The following CRPPA variants were observed in gnomAD, a reference collection of about 807,000 sequenced individuals.
CRPPA encodes D-ribitol-5-phosphate cytidylyltransferase.
CRPPA carries 43 observed loss-of-function variants against 52.0 expected under a neutral mutation model. That is an observed-to-expected ratio of 0.83 (90% CI 0.65 to 1.07). The LOEUF (loss-of-function observed/expected upper bound fraction) is 1.07. Among genes scored for constraint, CRPPA ranks in the 50% least tolerant of loss-of-function variants. The pLI is 0.00. For missense variants in CRPPA, 629 were observed against 551.7 expected (o/e 1.14, Z -1.40); for synonymous variants, 250 against 203.5 (o/e 1.23, Z -1.94).
At chr7:16,119,996 T>C (rs1302940064) in intron 9 of CRPPA, among the ~76,000 whole-genome samples, 1 of 152,176 alleles carries the variant, frequency 6.6e-6, no homozygotes, top group Non-Finnish European at 1.5e-5. Context: ...AGGAATCTAG[T>C]GGAAGTCAAG....
intron 3 of CRPPA, among the ~76,000 whole-genome samples, chr7:16,332,701 TA>T (rs1785582391): frequency 6.6e-6 from 1 of 151,866 alleles, no homozygotes; most frequent in Non-Finnish European, 1.5e-5. Flanking sequence ...TCAATTAAAT[TA>T]AAAAACAAGG....
At chr7:16,377,958 T>G (rs1050405143) in intron 2 of CRPPA, among the ~76,000 whole-genome samples, 3 of 152,104 alleles carry the variant, frequency 2.0e-5, no homozygotes, top group African/African-American at 7.2e-5. Flanking sequence ...TACGGCAGTT[T>G]TCATACCAGG....
chr7:16,396,773 G>A (rs1336274900), intron 2 of CRPPA, among the ~76,000 whole-genome samples: 3 of 152,260 alleles, frequency 2.0e-5, no homozygotes, highest in African/African-American at 7.2e-5. Flanking sequence ...TGACATACAT[G>A]TGAAGGAAGA....
At chr7:16,093,535 T>C (rs1781879584) in intron 9 of CRPPA, among the ~76,000 whole-genome samples, 1 of 152,174 alleles carries the variant, frequency 6.6e-6, no homozygotes, top group Non-Finnish European at 1.5e-5. Context: ...GGGGTGGAGC[T>C]GGAGAAGATC....
rs186497846 is a variant in CRPPA, at chr7:16,207,280, C to T, written c.1251+8786G>A. On this transcript the variant is annotated intron_variant, in intron 9 of 9. Transcript: ENST00000407010. ...CTTACCTTTGCTCTAAAATGATATA[C>T]AGCATCTATTAGGCAATACGCTGCA... 1.7e-3 allele frequency among the ~76,000 whole-genome samples: 266 copies of T among 152,306 alleles called. 5 individuals carry two copies. The highest frequency in any genetic ancestry group is 2.8e-4 in the Non-Finnish European group (19 of 68,020).
At chr7:16,148,619 G>A (rs539981838) in intron 9 of CRPPA, among the ~76,000 whole-genome samples, 124 of 152,142 alleles carry the variant, frequency 8.2e-4, no homozygotes, top group Non-Finnish European at 1.6e-3. Flanking sequence ...GTGGAATTTT[G>A]GTTATTAGAG....
chr7:16,119,976 T>C (rs986427674), intron 9 of CRPPA, among the ~76,000 whole-genome samples: 1 of 152,160 alleles, frequency 6.6e-6, no homozygotes, highest in Admixed American at 6.5e-5. Flanking sequence ...CTTAAGAATC[T>C]TCAGCATTTA....
chr7:16,400,646 C>A (rs377323368), intron 2 of CRPPA, among the ~76,000 whole-genome samples: 1 of 152,200 alleles, frequency 6.6e-6, no homozygotes, highest in East Asian at 1.9e-4. Context: ...ATTTTTGACA[C>A]GTGACTGACA....
At chr7:16,289,115 T>G (rs1400984772) in intron 5 of CRPPA, among the ~76,000 whole-genome samples, 1 of 152,082 alleles carries the variant, frequency 6.6e-6, no homozygotes, top group African/African-American at 2.4e-5. Context: ...AGGAAGTTGT[T>G]AAATTCCAGG....
At chr7:16,343,055 T>C (rs887856766) in intron 3 of CRPPA, among the ~76,000 whole-genome samples, 1 of 151,234 alleles carries the variant, frequency 6.6e-6, no homozygotes, top group Non-Finnish European at 1.5e-5. Flanking sequence ...AATAAATAAG[T>C]AAATGACACA....
intron 5 of CRPPA, among the ~76,000 whole-genome samples, chr7:16,280,777 T>G (rs529483011): frequency 2.8e-4 from 42 of 152,266 alleles, no homozygotes; most frequent in Middle Eastern, 3.4e-3. Context: ...TCCCAGCACT[T>G]TGGGAGGCCA....
intron 3 of CRPPA, among the ~76,000 whole-genome samples, chr7:16,333,012 G>A (rs540494723): frequency 6.6e-6 from 1 of 152,112 alleles, no homozygotes; most frequent in East Asian, 1.9e-4. Flanking sequence ...AGCACAATGA[G>A]AATTATCAGG....
intron 9 of CRPPA, among the ~76,000 whole-genome samples, chr7:16,126,069 AG>A (rs1293552318): frequency 2.0e-5 from 3 of 152,190 alleles, no homozygotes; most frequent in African/African-American, 4.8e-5. Context: ...TGCACAAGGT[AG>A]GGCTCTATAA....
intron 2 of CRPPA, among the ~76,000 whole-genome samples, chr7:16,390,827 A>T (rs6966496): frequency 0.5 from 75,459 of 151,980 alleles, 20,283 homozygotes; most frequent in African/African-American, 0.7. Flanking sequence ...CTTAATAAGT[A>T]ACAGCTTAAT....
At chr7:16,195,425 A>G (rs10252757) in intron 9 of CRPPA, among the ~76,000 whole-genome samples, 2 of 152,046 alleles carry the variant, frequency 1.3e-5, no homozygotes, top group African/African-American at 4.8e-5. Flanking sequence ...TAGCCCAGGA[A>G]ACAATCTATC....
chr7:16,271,790 C>T (rs1380603868), intron 6 of CRPPA, among the ~76,000 whole-genome samples: 2 of 152,144 alleles, frequency 1.3e-5, no homozygotes, highest in Non-Finnish European at 2.9e-5. Flanking sequence ...CACAATTTGA[C>T]ATTTTAATTT....
At chr7:16,336,970 CTAAA>C (rs1203251461) in intron 3 of CRPPA, among the ~76,000 whole-genome samples, 1 of 151,882 alleles carries the variant, frequency 6.6e-6, no homozygotes, top group Non-Finnish European at 1.5e-5. Flanking sequence ...CTTGGAGCAC[CTAAA>C]TACATACAGC....
chr7:16,164,080 C>G (rs979436850), intron 9 of CRPPA, among the ~76,000 whole-genome samples: 7 of 152,164 alleles, frequency 4.6e-5, no homozygotes, highest in Admixed American at 3.9e-4. Flanking sequence ...GGAAGTTCTC[C>G]TGGATAATAT....
chr7:16,237,289 C>T (rs898765947), intron 8 of CRPPA: 1 of 152,048 alleles, frequency 6.6e-6, no homozygotes, highest in African/African-American at 2.4e-5. Flanking sequence ...TTATTAACAC[C>T]AGAAATTTAT....
Sources: allele counts gnomAD v4.1 joint callset (sites outside exome capture counted in the v4.1 genomes callset), GRCh38; gene constraint gnomAD v4.1.1; transcripts MANE v1.5; gene names NCBI Gene and HGNC (gene_info 2026-07-23, HGNC 2026-07-21).